The following CNTN4 variants were observed in gnomAD, a reference collection of about 807,000 sequenced individuals.
CNTN4 encodes contactin-4.
A neutral mutation model predicts 122.5 loss-of-function variants in CNTN4; 77 were observed. The ratio of observed to expected loss-of-function variants is 0.63; its 90% CI spans 0.52 to 0.76. CNTN4 has a LOEUF of 0.76. CNTN4 is among the 30% of genes least tolerant of loss of function. The pLI is 0.00. For missense variants in CNTN4, 1,256 were observed against 1,259.1 expected (o/e 1.00, Z 0.04); for synonymous variants, 512 against 447.0 (o/e 1.15, Z -1.83).
chr3:2,362,920 A>G (rs1286229167), intron 3 of CNTN4, among the ~76,000 whole-genome samples: 1 of 152,218 alleles, frequency 6.6e-6, no homozygotes, highest in Non-Finnish European at 1.5e-5. Flanking sequence ...TAAGATTCTC[A>G]CATAAAGCCT....
chr3:2,286,646 G>A (rs1257317255), intron 2 of CNTN4, among the ~76,000 whole-genome samples: 1 of 152,096 alleles, frequency 6.6e-6, no homozygotes, highest in African/African-American at 2.4e-5. Flanking sequence ...AGTTATGTAT[G>A]TTTACAACAG....
intron 23 of CNTN4, among the ~76,000 whole-genome samples, chr3:3,047,434 A>G (rs1559833770): frequency 6.6e-6 from 1 of 152,174 alleles, no homozygotes; most frequent in Non-Finnish European, 1.5e-5. Flanking sequence ...TGTCTCTCAG[A>G]CCACAGTGCG....
Position 2,577,730 on chromosome 3 carries a change from G to A in CNTN4, c.55+6172G>A, listed in dbSNP as rs895228048. Among the ~76,000 whole-genome samples, 12 of 152,294 alleles carry A rather than the reference G, an allele frequency of 7.9e-5. No individual in the cohort carries two copies. The East Asian group carries it at 1.4e-3, about 17-fold the overall frequency. On this transcript the variant is annotated intron_variant, in intron 4 of 24. Transcript: ENST00000418658. ...GCTATTGATTCTGTTCACATTGGCAGCATTTGAAAGAAAGAAGAAAATGGC... is the reference window on the plus strand; with the variant it reads ...GCTATTGATTCTGTTCACATTGGCAACATTTGAAAGAAAGAAGAAAATGGC...
At chr3:2,386,028 C>T (rs1486767573) in intron 3 of CNTN4, among the ~76,000 whole-genome samples, 1 of 152,022 alleles carries the variant, frequency 6.6e-6, no homozygotes, top group Non-Finnish European at 1.5e-5. Flanking sequence ...TCTTACTATA[C>T]CTTGCACACA....
chr3:2,605,526 A>AT (rs2081221060), intron 4 of CNTN4, among the ~76,000 whole-genome samples: 1 of 152,126 alleles, frequency 6.6e-6, no homozygotes, highest in Admixed American at 6.5e-5. Context: ...TCTGTGGAGA[A>AT]TAATCTATAG....
chr3:2,745,836 G>A, intron 6 of CNTN4, 139 bp downstream of exon 6: 1 of 765,254 alleles, frequency 1.3e-6, no homozygotes, highest in Non-Finnish European at 2.2e-6. Context: ...TTCACATTTT[G>A]GAAACAATTT....
At chr3:2,477,199 T>C (rs952164160) in intron 3 of CNTN4, among the ~76,000 whole-genome samples, 2 of 152,200 alleles carry the variant, frequency 1.3e-5, no homozygotes, top group African/African-American at 4.8e-5. Flanking sequence ...TTATAAGAAA[T>C]GTTTGTGCCT....
At chr3:2,319,538 A>G (rs1404741176) in intron 2 of CNTN4, among the ~76,000 whole-genome samples, 1 of 152,098 alleles carries the variant, frequency 6.6e-6, no homozygotes, top group East Asian at 1.9e-4. Context: ...CAGCCTACTC[A>G]ACTTGAAGAT....
Position 2,811,551 on chromosome 3 carries a change from C to T in CNTN4, c.359-7935C>T, listed in dbSNP as rs562081174. 4.2e-3 allele frequency among the ~76,000 whole-genome samples: 630 copies of T among 151,706 alleles called. 3 individuals are homozygous for T. Among genetic ancestry groups the T allele is most frequent in the Non-Finnish European group, 5.4e-3 (367 of 67,912 alleles). On this transcript the variant is annotated intron_variant, in intron 6 of 24. Coordinates refer to ENST00000418658, the MANE Select transcript of CNTN4 (RefSeq NM_175607.3). ...TCTCAGCTCACTGCAAGCTCCACCT[C>T]CTGGGTTCACGCCATTCTCCTGCCT...
At chr3:2,674,162 G>T (rs2084699741) in intron 4 of CNTN4, among the ~76,000 whole-genome samples, 1 of 152,174 alleles carries the variant, frequency 6.6e-6, no homozygotes, top group Admixed American at 6.5e-5. Flanking sequence ...ATAGATAATT[G>T]AAGTACTTAC....
At chr3:2,610,612 G>T (rs2081440487) in intron 4 of CNTN4, among the ~76,000 whole-genome samples, 1 of 152,146 alleles carries the variant, frequency 6.6e-6, no homozygotes, top group Non-Finnish European at 1.5e-5. Context: ...GGGTTAATGT[G>T]TTATAAATGT....
chr3:2,565,010 C>G (rs2079098414), intron 3 of CNTN4, among the ~76,000 whole-genome samples: 1 of 152,044 alleles, frequency 6.6e-6, no homozygotes, highest in Non-Finnish European at 1.5e-5. Flanking sequence ...AGTGGAAAGT[C>G]TTTTAAAATG....
chr3:3,010,002 C>T (rs1559784937), intron 14 of CNTN4, among the ~76,000 whole-genome samples: 1 of 133,062 alleles, frequency 7.5e-6, no homozygotes, highest in African/African-American at 2.5e-5. Context: ...TGGAAGAACA[C>T]AGAACTCAAC....
rs73112788 is a variant in CNTN4, at chr3:2,884,195, C to T, written c.755+948C>T. 1.3e-3 allele frequency among the ~76,000 whole-genome samples: 204 copies of T among 152,096 alleles called. 1 individual carries two copies. Among genetic ancestry groups the T allele is most frequent in the African/African-American group, 4.7e-3 (196 of 41,468 alleles). ...CTCAACTAATCCTCCCACCTTTGCT[C>T]GTCTAAGTGCTGGGATTATAGTCCC... On this transcript the variant is annotated intron_variant, in intron 9 of 24. Coordinates refer to ENST00000418658, the MANE Select transcript of CNTN4 (RefSeq NM_175607.3).
intron 3 of CNTN4, among the ~76,000 whole-genome samples, chr3:2,451,192 G>C (rs1002793196): frequency 1.3e-5 from 2 of 152,010 alleles, no homozygotes; most frequent in Admixed American, 6.6e-5. Flanking sequence ...TTGAAACTAG[G>C]TATATTATTA....
intron 6 of CNTN4, among the ~76,000 whole-genome samples, chr3:2,789,810 A>G (rs1364076645): frequency 6.6e-6 from 1 of 152,242 alleles, no homozygotes; most frequent in Non-Finnish European, 1.5e-5. Context: ...AAAAAGCTAA[A>G]TTAGAGGAGA....
At chr3:2,313,951 A>G (rs1023317607) in intron 2 of CNTN4, among the ~76,000 whole-genome samples, 1 of 152,080 alleles carries the variant, frequency 6.6e-6, no homozygotes, top group Non-Finnish European at 1.5e-5. Context: ...ATTTCTGCCT[A>G]TAAGAAATAT....
Position 3,030,857 on chromosome 3 carries a change from G to T in CNTN4, c.1665G>T (p.Gln555His). 1 of 1,613,936 alleles carries T rather than the reference G, an allele frequency of 6.2e-7. No homozygotes were observed. The highest frequency in any genetic ancestry group is 2.2e-5 in the East Asian group (1 of 44,874). ...DGDHFERVGG[Q>H]DSAGDLMIRN... is the part of the protein sequence containing the mutation. ...GCCACTTTCCCCTACTTTATCAGCA[G>T]GATTCAGCTGGTGATTTGATGATCC... Residue 555 changes from glutamine to histidine, a missense_variant and splice_region_variant, in exon 16 of 25, where the codon CAG becomes CAT. Transcript: ENST00000418658.
chr3:2,151,185 A>G (rs2035480005), intron 2 of CNTN4, among the ~76,000 whole-genome samples: 1 of 152,156 alleles, frequency 6.6e-6, no homozygotes, highest in Non-Finnish European at 1.5e-5. Flanking sequence ...TCAGCCTCCC[A>G]AAGTGCCGGG....
Sources: gnomAD v4.1 joint callset for allele counts (sites outside exome capture counted in the v4.1 genomes callset) on GRCh38, gnomAD v4.1.1 for gene constraint, MANE v1.5 for transcripts, NCBI Gene and HGNC (gene_info 2026-07-23, HGNC 2026-07-21) for gene names.